The following EIF2S1 variants were observed in gnomAD, a reference collection of about 807,000 sequenced individuals.
The protein encoded by EIF2S1 is eukaryotic translation initiation factor 2 subunit 1.
In EIF2S1, 5 loss-of-function variants were observed where a neutral mutation model predicts 33.5. The observed-to-expected ratio is 0.15, with a 90% CI of 0.08 to 0.31. EIF2S1 has a LOEUF of 0.31. Among genes scored for constraint, EIF2S1 ranks in the 10% least tolerant of loss-of-function variants. The pLI is 1.00. For missense variants in EIF2S1, 191 were observed against 384.6 expected, an observed-to-expected ratio of 0.50 and a Z score of 4.21; for synonymous variants, 99 against 127.5, an observed-to-expected ratio of 0.78 and a Z score of 1.51.
At chr14:67,382,706 C>A in intron 7 of EIF2S1, 116 bp downstream of exon 7, 2 of 1,170,462 alleles carry the variant, frequency 1.7e-6, no homozygotes, top group Non-Finnish European at 2.5e-6. Flanking sequence ...GTCATTCAGG[C>A]CTTTGATCAC....
chr14:67,385,658 C>CTTTTTTTTTT lies in EIF2S1; in HGVS notation c.*2228_*2237dup. On this transcript the variant is annotated 3_prime_UTR_variant, in exon 8 of 8. Coordinates refer to ENST00000256383, the MANE Select transcript of EIF2S1 (RefSeq NM_004094.5). Reference sequence around the variant, plus strand: ...ATATGAATATTCAAACCACTTTTTTCTTTTTTTTTTTTTTTTTTTGGCAAA... The same window carrying CTTTTTTTTTT: ...ATATGAATATTCAAACCACTTTTTTCTTTTTTTTTTTTTTTTTTTTTTTTTTTTTGGCAAA... The CTTTTTTTTTT allele has an allele frequency of 9.3e-6, 1 of 107,646 alleles. No homozygotes were observed. Among genetic ancestry groups the CTTTTTTTTTT allele is most frequent in the Non-Finnish European group, 1.9e-5 (1 of 53,538 alleles). 6.7% of individuals were successfully genotyped at this position (107,646 alleles called of 1,614,324 possible).
At position 67,360,425 on chromosome 14, in the gene EIF2S1, G is replaced by A; in HGVS notation, c.-33G>A. ...CTGTGATTGAAGAAGTCGGCTCTGG[G>A]CTCCAGTGCGGGAATCACACACATA... On this transcript the variant is annotated 5_prime_UTR_variant, in exon 1 of 8. Transcript: ENST00000256383. 1 of 391,410 alleles carries A rather than the reference G, an allele frequency of 2.6e-6. No homozygotes were observed. The highest frequency in any genetic ancestry group is 3.6e-5 in the East Asian group (1 of 27,636). 24.2% of individuals were successfully genotyped at this position (391,410 alleles called of 1,614,324 possible).
chr14:67,383,431 T>A lies in EIF2S1; in HGVS notation c.939T>A (p.Ala313=). ...ATGCAGAAGAAATGGAAGCCAAAGC[T>A]GAAGATTAACTTTGTGGGAAACAGA... ...DDDAEEMEAK[A]ED Residue 313 remains alanine (A), a synonymous_variant, in exon 8 of 8, where the codon GCT becomes GCA. Transcript: ENST00000256383. The A allele has an allele frequency of 6.2e-7, 1 of 1,613,280 alleles. No individual in the cohort carries two copies. The highest frequency in any genetic ancestry group is 1.1e-5 in the South Asian group (1 of 91,062).
chr14:67,382,918 T>TGC (rs1350038429), intron 7 of EIF2S1, among the ~76,000 whole-genome samples: 1 of 151,868 alleles, frequency 6.6e-6, no homozygotes, highest in African/African-American at 2.4e-5. Context: ...CGTGTGTGTG[T>TGC]GTGTGTGTGT....
At chr14:67,369,988 A>G (rs1020194515) in intron 2 of EIF2S1, among the ~76,000 whole-genome samples, 1 of 152,248 alleles carries the variant, frequency 6.6e-6, no homozygotes, top group South Asian at 2.1e-4. Flanking sequence ...ATTTACCCAC[A>G]TATTTATTAA....
At chr14:67,375,860 G>A (rs527785329) in intron 3 of EIF2S1, among the ~76,000 whole-genome samples, 1 of 152,014 alleles carries the variant, frequency 6.6e-6, no homozygotes, top group Non-Finnish European at 1.5e-5. Flanking sequence ...TGTCTCCTTA[G>A]GATATTGTTA....
intron 3 of EIF2S1, among the ~76,000 whole-genome samples, chr14:67,376,040 A>G (rs2085856081): frequency 6.6e-6 from 1 of 152,216 alleles, no homozygotes; most frequent in African/African-American, 2.4e-5. Flanking sequence ...GGTGGGTAAG[A>G]TGACAGAAAA....
intron 3 of EIF2S1, among the ~76,000 whole-genome samples, chr14:67,375,263 T>TGTGC (rs2085850901): frequency 6.7e-6 from 1 of 148,432 alleles, no homozygotes; most frequent in South Asian, 2.1e-4. Context: ...TGTGTGTGTG[T>TGTGC]GTGTGTGTGT....
chr14:67,379,443 G>A (rs1399699369), intron 4 of EIF2S1, among the ~76,000 whole-genome samples: 1 of 151,928 alleles, frequency 6.6e-6, no homozygotes, highest in African/African-American at 2.4e-5. Context: ...TGAAACATCT[G>A]TTCACCTCAT....
At chr14:67,367,149 C>T (rs72719108) in intron 2 of EIF2S1, among the ~76,000 whole-genome samples, 5 of 152,170 alleles carry the variant, frequency 3.3e-5, no homozygotes, top group African/African-American at 1.2e-4. Flanking sequence ...AAAATCTGAA[C>T]AGATTTCAGT....
rs371918861 is a variant in EIF2S1 at position 67,382,444 on chromosome 14, T to C, written c.679-3T>C. ...TAAATGAATTTTTGTCTTTCTCTTT[T>C]AGATTAATCTAATAGCTCCTCCTCG... On this transcript the variant is annotated splice_region_variant and splice_polypyrimidine_tract_variant and intron_variant, in intron 6 of 7. Transcript: ENST00000256383. 5.6e-6 allele frequency: 9 copies of C among 1,609,940 alleles called. No individual in the cohort carries two copies. In the African/African-American group the frequency reaches 1.1e-4, roughly 19 times the overall value.
At chr14:67,382,076 G>A (rs1485865457) in intron 6 of EIF2S1, among the ~76,000 whole-genome samples, 1 of 151,986 alleles carries the variant, frequency 6.6e-6, no homozygotes, top group Non-Finnish European at 1.5e-5. Flanking sequence ...AAATTAACTG[G>A]ATGGCTGTAA....
At chr14:67,379,639 T>G (rs2085875156) in intron 4 of EIF2S1, among the ~76,000 whole-genome samples, 1 of 146,042 alleles carries the variant, frequency 6.8e-6, no homozygotes, top group Non-Finnish European at 1.5e-5. Context: ...GACATAACTT[T>G]CTTTTTTTCT....
intron 2 of EIF2S1, among the ~76,000 whole-genome samples, chr14:67,371,840 A>G (rs560991488): frequency 1.3e-5 from 2 of 152,250 alleles, no homozygotes; most frequent in Non-Finnish European, 2.9e-5. Flanking sequence ...TAAAAAAGCA[A>G]ATTACTGACC....
intron 2 of EIF2S1, 135 bp from the exon 3 acceptor site, chr14:67,374,333 T>C: frequency 2.1e-6 from 1 of 487,260 alleles, no homozygotes; most frequent in Admixed American, 3.5e-5. Flanking sequence ...ACTTATGCAG[T>C]ATTTTGTTGA....
At position 67,380,691 on chromosome 14, in the gene EIF2S1, A is replaced by G; in HGVS notation, c.506A>G (p.Asn169Ser). The G allele has an allele frequency of 6.3e-7, 1 of 1,582,762 alleles. No individual in the cohort carries two copies. The change falls in exon 5 of 8, where the codon AAT becomes AGT. Residue 169 changes from asparagine to serine, a missense_variant. Physicochemically the swap from Asn to Ser is conservative, Grantham distance 46 (BLOSUM62 1). Transcript: ENST00000256383. ...DPSILDSLDLNEDEREVLINN... is the reference protein window; with the variant it reads ...DPSILDSLDLSEDEREVLINN... ...TCTATTTTGGATAGTTTAGATTTGA[A>G]TGAAGATGAACGGGAAGTACTCATT...
At chr14:67,374,347 G>A in intron 2 of EIF2S1, 121 bp from the exon 3 acceptor site, 1 of 528,918 alleles carries the variant, frequency 1.9e-6, no homozygotes, top group Non-Finnish European at 3.3e-6. Flanking sequence ...TTGTTGATAG[G>A]ATTTTAGTAG....
chr14:67,376,238 T>G (rs1197370694), intron 3 of EIF2S1, among the ~76,000 whole-genome samples: 1 of 152,232 alleles, frequency 6.6e-6, no homozygotes, highest in Non-Finnish European at 1.5e-5. Context: ...TGTGTTACTG[T>G]CAAGACTTGA....
At chr14:67,366,725 C>T (rs899554267) in intron 2 of EIF2S1, among the ~76,000 whole-genome samples, 3 of 152,058 alleles carry the variant, frequency 2.0e-5, no homozygotes, top group Non-Finnish European at 4.4e-5. Flanking sequence ...AGCCTTTCAA[C>T]GTAAATGCCA....
Sources: gnomAD v4.1 joint callset for allele counts (sites outside exome capture counted in the v4.1 genomes callset) on GRCh38, gnomAD v4.1.1 for gene constraint, MANE v1.5 for transcripts, NCBI Gene and HGNC (gene_info 2026-07-23, HGNC 2026-07-21) for gene names.